Variants in DNAJC13 observed in about 807,000 individuals in gnomAD.
DNAJC13 encodes the protein DnaJ heat shock protein family (Hsp40) member C13.
DNAJC13 carries 75 observed loss-of-function variants against 290.5 expected under a neutral mutation model. The ratio of observed to expected loss-of-function variants is 0.26; its 90% confidence interval spans 0.21 to 0.31. The LOEUF (loss-of-function observed/expected upper bound fraction) is 0.31. Ranked by LOEUF, DNAJC13 falls within the 10% of genes least tolerant of loss-of-function variation. DNAJC13 has a pLI of 1.00. For missense variants in DNAJC13, 2,260 were observed against 2,674.5 expected (o/e 0.85, Z 3.42); for synonymous variants, 862 against 892.0 (o/e 0.97, Z 0.60).
intron 55 of DNAJC13, among the ~76,000 whole-genome samples, chr3:132,531,593 C>T (rs1936416124): frequency 1.3e-5 from 2 of 152,040 alleles, no homozygotes; most frequent in African/African-American, 4.8e-5. Context: ...GTCAGGAGAT[C>T]GAGACCATCC....
At position 132,460,316 on chromosome 3, in the gene DNAJC13, A is replaced by C; in HGVS notation, c.1516A>C (p.Lys506Gln). The C allele has an allele frequency of 6.2e-7, 1 of 1,612,852 alleles. No homozygotes were observed. Among genetic ancestry groups the C allele is most frequent in the Non-Finnish European group, 8.5e-7 (1 of 1,179,188 alleles). The change falls in exon 14 of 56, where the codon AAG becomes CAG. Residue 506 changes from lysine (K) to glutamine (Q), a missense_variant. Around this residue, in one of 3 missense-constraint regions of DNAJC13, gnomAD observed 762 missense variants for 964.1 expected, o/e 0.79. Transcript: ENST00000260818. The stretch of plus-strand genomic sequence containing the variant: ...CAAAGCTTCTCTTCTCTCGTCAAAG[A>C]AGTTTCTGGAAAACTTACTGGAGAA... The part of the protein sequence containing the change: ...LNKASLLSSK[K>Q]FLENLLEKFN...
chr3:132,520,039 C>T (rs751506048), intron 48 of DNAJC13, among the ~76,000 whole-genome samples: 6 of 152,078 alleles, frequency 3.9e-5, no homozygotes, highest in Admixed American at 6.5e-5. Context: ...CAGAATAGCA[C>T]GAGAAAGACC....
chr3:132,491,501 G>A (rs1176789675), intron 32 of DNAJC13, among the ~76,000 whole-genome samples: 2 of 151,966 alleles, frequency 1.3e-5, no homozygotes, highest in East Asian at 1.9e-4. Flanking sequence ...TAGAATGTGG[G>A]CTCCCTTACC....
intron 48 of DNAJC13, among the ~76,000 whole-genome samples, chr3:132,518,314 C>T (rs1219329439): frequency 6.6e-6 from 1 of 152,218 alleles, no homozygotes; most frequent in Admixed American, 6.5e-5. Context: ...ACACAAGTAT[C>T]AACACCTTAA....
chr3:132,439,773 T>C (rs905739560), intron 2 of DNAJC13, among the ~76,000 whole-genome samples: 1 of 152,204 alleles, frequency 6.6e-6, no homozygotes, highest in African/African-American at 2.4e-5. Flanking sequence ...AGGACAGATA[T>C]TTGCAGAGTA....
intron 9 of DNAJC13, among the ~76,000 whole-genome samples, chr3:132,455,874 T>C (rs534974409): frequency 6.6e-6 from 1 of 152,240 alleles, no homozygotes; most frequent in Admixed American, 6.5e-5. Flanking sequence ...GATGAAAATA[T>C]ATCAGAACTG....
In DNAJC13 at chr3:132,538,227, C is replaced by A. The variant is rs761321076; in HGVS notation, c.6677C>A (p.Ser2226Tyr). The A allele has an allele frequency of 3.1e-6, 5 of 1,613,952 alleles. No individual in the cohort carries two copies. Among genetic ancestry groups the A allele is most frequent in the Non-Finnish European group, 4.2e-6 (5 of 1,179,976 alleles). ...GCAGGTACATCTACATCAGTCATGT[C>A]TAACCTGCCACCTCCTGTAGACCAT... ...LTAGTSTSVM[S>Y]NLPPPVDHEA... Residue 2226 changes from serine (S) to tyrosine (Y), a missense_variant, in exon 56 of 56, where the codon TCT becomes TAT. Ser to Tyr is a moderately radical substitution (Grantham distance 144). Coordinates refer to ENST00000260818, the MANE Select transcript of DNAJC13 (RefSeq NM_015268.4).
chr3:132,458,281 T>C (rs912177950), intron 13 of DNAJC13: 3 of 152,194 alleles, frequency 2.0e-5, no homozygotes, highest in African/African-American at 7.2e-5. Context: ...TTTCCTTATA[T>C]AAAGTGTTTT....
At chr3:132,522,352 A>G (rs1936116907) in intron 48 of DNAJC13, among the ~76,000 whole-genome samples, 1 of 152,218 alleles carries the variant, frequency 6.6e-6, no homozygotes, top group Non-Finnish European at 1.5e-5. Flanking sequence ...GACACAGTGT[A>G]ACATAAAACA....
Position 132,538,613 on chromosome 3 carries a change from T to TA in DNAJC13, c.*332dup, listed in dbSNP as rs1936671525. 5.4e-6 allele frequency: 1 copy of TA among 184,856 alleles called. No homozygotes were observed. The highest frequency in any genetic ancestry group is 2.4e-5 in the African/African-American group (1 of 42,002). 11.5% of individuals were successfully genotyped at this position (184,856 alleles called of 1,614,324 possible). A position where few individuals can be genotyped will look rare whatever the true frequency, so the allele number is the denominator to read the frequency against. On this transcript the variant is annotated 3_prime_UTR_variant, in exon 56 of 56. Coordinates refer to ENST00000260818, the MANE Select transcript of DNAJC13 (RefSeq NM_015268.4). ...AGTTTTTGTAATTTTTTTTTTGAACTAGCATGACTGTAGGGTTGAGCTACA... is the reference window on the plus strand; with the variant it reads ...AGTTTTTGTAATTTTTTTTTTGAACTAAGCATGACTGTAGGGTTGAGCTACA...
At chr3:132,471,166 GC>G (rs1160312964) in intron 20 of DNAJC13, among the ~76,000 whole-genome samples, 15 of 124,908 alleles carry the variant, frequency 1.2e-4, no homozygotes, top group African/African-American at 4.6e-4. Flanking sequence ...CGGCTGAGGG[GC>G]TCCTCACTTC....
intron 53 of DNAJC13, among the ~76,000 whole-genome samples, chr3:132,526,744 A>G (rs1936268541): frequency 6.6e-6 from 1 of 152,250 alleles, no homozygotes; most frequent in African/African-American, 2.4e-5. Flanking sequence ...CAAAGAGACT[A>G]TCCACCTAAT....
chr3:132,504,550 A>G (rs1379765756), intron 41 of DNAJC13, among the ~76,000 whole-genome samples: 1 of 152,190 alleles, frequency 6.6e-6, no homozygotes, highest in Non-Finnish European at 1.5e-5. Flanking sequence ...CATGAGCTCC[A>G]ACTGGATTCA....
Position 132,522,964 on chromosome 3 carries a change from A to C in DNAJC13, c.5810A>C (p.Lys1937Thr). 6.2e-7 allele frequency: 1 copy of C among 1,612,858 alleles called. No individual in the cohort carries two copies. Among genetic ancestry groups the C allele is most frequent in the Non-Finnish European group, 8.5e-7 (1 of 1,179,634 alleles). The change falls in exon 49 of 56, where the codon AAA (lysine) becomes ACA (threonine). Residue 1937 changes from lysine to threonine, a missense_variant. Lys to Thr is a moderately conservative substitution (Grantham distance 78, BLOSUM62 -1). This residue lies in a region of DNAJC13 where 1,494 missense variants were observed against 1,693.7 expected (regional missense o/e 0.88). Transcript: ENST00000260818. The part of the protein sequence containing the change: ...ELIWNDNSRD[K>T]VSTTVREMML... ...ATTTGGAATGATAATTCCAGAGATA[A>C]AGTGTCCACAACAGTTAGGGAAATG...
At chr3:132,503,175 A>T in intron 40 of DNAJC13, 39 bp from the exon 41 acceptor site, 1 of 1,599,950 alleles carries the variant, frequency 6.3e-7, no homozygotes, top group Non-Finnish European at 8.5e-7. Flanking sequence ...TATGTAAGAT[A>T]ACAGATCTAC....
chr3:132,524,650 A>G (rs1559912945), intron 51 of DNAJC13, among the ~76,000 whole-genome samples: 1 of 152,246 alleles, frequency 6.6e-6, no homozygotes, highest in Non-Finnish European at 1.5e-5. Context: ...GCTACTTTCC[A>G]TAGTCATATT....
intron 20 of DNAJC13, among the ~76,000 whole-genome samples, chr3:132,471,163 G>C (rs1448364986): frequency 2.3e-5 from 3 of 128,972 alleles, no homozygotes; most frequent in Non-Finnish European, 5.1e-5. Flanking sequence ...GCCCGGCTGA[G>C]GGGCTCCTCA....
intron 48 of DNAJC13, 123 bp downstream of exon 48, chr3:132,516,939 G>T: frequency 2.3e-6 from 2 of 856,952 alleles, no homozygotes; most frequent in African/African-American, 1.7e-5. Flanking sequence ...TGATGTGAAA[G>T]TTGGAAAATT....
At chr3:132,499,623 T>C in intron 37 of DNAJC13, 111 bp from the exon 38 acceptor site, 1 of 934,618 alleles carries the variant, frequency 1.1e-6, no homozygotes, top group East Asian at 2.5e-5. Context: ...CAAACATTTA[T>C]GTATCAAATA....
Sources: gnomAD v4.1 joint callset for allele counts (sites outside exome capture counted in the v4.1 genomes callset) on GRCh38, gnomAD v4.1.1 for gene constraint, gnomAD v4.1.1 regional missense constraint, MANE v1.5 for transcripts, NCBI Gene and HGNC (gene_info 2026-07-23, HGNC 2026-07-21) for gene names.